The following CSMD1 variants were observed in gnomAD, a reference collection of about 807,000 sequenced individuals.
CSMD1 encodes the protein CUB and Sushi multiple domains 1.
A neutral mutation model predicts 417.5 loss-of-function variants in CSMD1; 213 were observed. The ratio of observed to expected loss-of-function variants is 0.51; its 90% CI spans 0.46 to 0.57. CSMD1 has a LOEUF of 0.57. Ranked by LOEUF, CSMD1 falls within the 20% of genes least tolerant of loss-of-function variation. The pLI, the probability that CSMD1 is intolerant of heterozygous loss-of-function variation, is 0.00. For synonymous variants in CSMD1, 2,862 were observed against 1,736.8 expected, an observed-to-expected ratio of 1.65 and a Z score of -16.11; for missense variants, 6,923 against 4,529.7, an observed-to-expected ratio of 1.53 and a Z score of -15.17.
At chr8:3,231,188 A>G (rs1226008881) in intron 26 of CSMD1, among the ~76,000 whole-genome samples, 1 of 152,182 alleles carries the variant, frequency 6.6e-6, no homozygotes, top group African/African-American at 2.4e-5. Context: ...TATGTGTCGC[A>G]CTGAAAATTA....
intron 3 of CSMD1, among the ~76,000 whole-genome samples, chr8:4,284,260 C>A (rs762902563): frequency 3.3e-5 from 5 of 152,010 alleles, no homozygotes; most frequent in Admixed American, 3.3e-4. Context: ...GTTAGCTGCT[C>A]GCGAGGCTGA....
At chr8:3,339,592 T>C (rs1425040608) in intron 23 of CSMD1, among the ~76,000 whole-genome samples, 1 of 152,214 alleles carries the variant, frequency 6.6e-6, no homozygotes, top group Non-Finnish European at 1.5e-5. Flanking sequence ...GGAAACCCTA[T>C]GTCAATATCA....
chr8:4,056,504 G>T (rs982546841), intron 3 of CSMD1, among the ~76,000 whole-genome samples: 4 of 151,034 alleles, frequency 2.6e-5, no homozygotes, highest in Non-Finnish European at 5.9e-5. Flanking sequence ...AAAAATATTG[G>T]GCTACTAAGG....
At chr8:4,517,638 A>G (rs759093760) in intron 2 of CSMD1, among the ~76,000 whole-genome samples, 30 of 152,246 alleles carry the variant, frequency 2.0e-4, no homozygotes, top group Non-Finnish European at 2.9e-5. Flanking sequence ...CCTAAGAGCC[A>G]CGAAGTTATT....
chr8:3,155,520 A>C (rs904952400), intron 39 of CSMD1, among the ~76,000 whole-genome samples: 2 of 151,318 alleles, frequency 1.3e-5, no homozygotes, highest in African/African-American at 4.9e-5. Flanking sequence ...GATGGTCGCC[A>C]CCACGCCCAG....
chr8:3,898,557 A>T (rs1344191707), intron 5 of CSMD1, among the ~76,000 whole-genome samples: 1 of 152,198 alleles, frequency 6.6e-6, no homozygotes, highest in Non-Finnish European at 1.5e-5. Flanking sequence ...ACATAAATCT[A>T]TCCTGTAATG....
chr8:3,429,014 T>C (rs1463939418), intron 12 of CSMD1, among the ~76,000 whole-genome samples: 1 of 152,100 alleles, frequency 6.6e-6, no homozygotes, highest in Non-Finnish European at 1.5e-5. Context: ...GAGGATGGAA[T>C]GGTGGTTACC....
rs535544822 is a variant in CSMD1 at position 4,717,752 on chromosome 8, T to C, written c.86-80194A>G. Among the ~76,000 whole-genome samples the C allele has an allele frequency of 4.6e-5, 7 of 152,272 alleles. No homozygotes were observed. In the South Asian group the frequency reaches 1.4e-3, roughly 32 times the overall value. ...ATGTTTGCAGGAAGCAATCAGTCTC[T>C]GTCAGAAACTGTCAGATTGTCAATA... On this transcript the variant is annotated intron_variant, in intron 1 of 69. Transcript: ENST00000635120.
At chr8:4,802,328 A>G (rs1307635944) in intron 1 of CSMD1, among the ~76,000 whole-genome samples, 1 of 150,628 alleles carries the variant, frequency 6.6e-6, no homozygotes, top group African/African-American at 2.5e-5. Flanking sequence ...CCAACTAGGA[A>G]CAAGCAAAAT....
At chr8:4,320,212 C>A (rs1384118689) in intron 3 of CSMD1, among the ~76,000 whole-genome samples, 1 of 152,084 alleles carries the variant, frequency 6.6e-6, no homozygotes, top group Non-Finnish European at 1.5e-5. Flanking sequence ...TGATATCTCG[C>A]ATCTAAGCAA....
chr8:3,926,120 C>G (rs1045007331), intron 5 of CSMD1, among the ~76,000 whole-genome samples: 1 of 133,096 alleles, frequency 7.5e-6, no homozygotes, highest in Non-Finnish European at 1.6e-5. Context: ...CACACACACA[C>G]ACACACACAC....
intron 5 of CSMD1, among the ~76,000 whole-genome samples, chr8:3,774,432 A>G (rs1398940295): frequency 3.9e-5 from 6 of 152,260 alleles, no homozygotes; most frequent in African/African-American, 1.2e-4. Context: ...TTCCACCATG[A>G]TATCTCCATG....
intron 5 of CSMD1, among the ~76,000 whole-genome samples, chr8:3,783,244 G>T (rs762612761): frequency 2.6e-5 from 4 of 152,180 alleles, no homozygotes; most frequent in African/African-American, 4.8e-5. Flanking sequence ...CCGATACTGT[G>T]TAGGTGCTCC....
chr8:3,913,207 G>C (rs867113876), intron 5 of CSMD1, among the ~76,000 whole-genome samples: 2 of 152,136 alleles, frequency 1.3e-5, no homozygotes, highest in African/African-American at 2.4e-5. Flanking sequence ...TTGGAGGTCA[G>C]AACAGATATC....
intron 1 of CSMD1, among the ~76,000 whole-genome samples, chr8:4,784,170 G>A (rs986846768): frequency 6.6e-6 from 1 of 152,196 alleles, no homozygotes; most frequent in Non-Finnish European, 1.5e-5. Flanking sequence ...ATGTACTCAA[G>A]TAAAAGTTTG....
chr8:3,132,132 G>A (rs539176638), intron 41 of CSMD1, among the ~76,000 whole-genome samples: 1 of 152,176 alleles, frequency 6.6e-6, no homozygotes, highest in Non-Finnish European at 1.5e-5. Flanking sequence ...TGCTCAGTGT[G>A]CCTGCTCTGC....
chr8:3,313,665 G>C (rs191567671), intron 23 of CSMD1, among the ~76,000 whole-genome samples: 3,064 of 152,298 alleles, frequency 0.02, 41 homozygotes, highest in East Asian at 0.036. Flanking sequence ...CTTTCACACT[G>C]TTGGTGGGAC....
At chr8:4,139,546 C>CTCATCCT (rs1178676358) in intron 3 of CSMD1, among the ~76,000 whole-genome samples, 1 of 150,982 alleles carries the variant, frequency 6.6e-6, no homozygotes, top group Non-Finnish European at 1.5e-5. Flanking sequence ...TCATCCTGCA[C>CTCATCCT]GACGATCTGC....
intron 1 of CSMD1, among the ~76,000 whole-genome samples, chr8:4,847,786 T>C (rs562645675): frequency 3.3e-5 from 5 of 152,134 alleles, no homozygotes; most frequent in African/African-American, 9.6e-5. Context: ...GATTTTTTTT[T>C]TTTTTTTTGA....
Sources: allele counts gnomAD v4.1 joint callset (sites outside exome capture counted in the v4.1 genomes callset), GRCh38; gene constraint gnomAD v4.1.1; transcripts MANE v1.5; gene names NCBI Gene and HGNC (gene_info 2026-07-23, HGNC 2026-07-21).